LTB4R2: variants seen among roughly 807,000 people sequenced by gnomAD.
The protein encoded by LTB4R2 is LTB4 receptor JULF2.
LTB4R2 carries 6 observed loss-of-function variants against 5.3 expected under a neutral mutation model. The observed-to-expected ratio is 1.14, with a 90% CI of 0.62 to 2.24. The LOEUF (loss-of-function observed/expected upper bound fraction) is 2.24, where lower values mean the gene tolerates loss of function less well. LTB4R2 is among the 30% of genes most tolerant of loss of function. The probability of loss-of-function intolerance (pLI) is 0.00; values close to 1 mark genes in which losing one functional copy is unlikely to be tolerated. For synonymous variants in LTB4R2, 310 were observed against 264.2 expected, an observed-to-expected ratio of 1.17 and a Z score of -1.68; for missense variants, 560 against 521.5, an observed-to-expected ratio of 1.07 and a Z score of -0.72.
Position 24,311,186 on chromosome 14 carries a change from G to A in LTB4R2, c.522G>A (p.Ser174=). The part of the protein sequence containing the change: ...RDRVCQLCHP[S]PVHAAAHLSL... The stretch of plus-strand genomic sequence containing the variant: ...GCGTATGCCAGCTGTGCCACCCGTC[G>A]CCGGTCCACGCCGCCGCCCACCTGA... The change falls in exon 2 of 2, where the codon TCG becomes TCA. Residue 174 remains serine (S), a synonymous_variant. Transcript: ENST00000533293. 6.2e-7 allele frequency: 1 copy of A among 1,607,548 alleles called. No homozygotes were observed. The highest frequency in any genetic ancestry group is 8.5e-7 in the Non-Finnish European group (1 of 1,177,792).
chr14:24,311,830 C>T lies in LTB4R2; in HGVS notation c.*89C>T, dbSNP rs553683189. On this transcript the variant is annotated 3_prime_UTR_variant, in exon 2 of 2. Coordinates refer to ENST00000533293, the MANE Select transcript of LTB4R2 (RefSeq NM_019839.5). The stretch of plus-strand genomic sequence containing the variant: ...GTCAGTGTTCTGGGACATTTGGGGA[C>T]CCTTCTTTGACTAGAGTTTGGATCT... 4.4e-5 allele frequency: 54 copies of T among 1,225,676 alleles called. No homozygotes were observed. In the South Asian group the frequency reaches 6.7e-4, roughly 15 times the overall value. 75.9% of individuals were successfully genotyped at this position (1,225,676 alleles called of 1,614,324 possible).
Position 24,311,155 on chromosome 14 carries a change from G to T in LTB4R2, c.491G>T (p.Arg164Met). The T allele has an allele frequency of 6.2e-7, 1 of 1,602,504 alleles. No homozygotes were observed. The change falls in exon 2 of 2, where the codon AGG becomes ATG. Residue 164 changes from arginine to methionine, a missense_variant. By Grantham distance (91) the Arg-to-Met change is moderately conservative. Coordinates refer to ENST00000533293, the MANE Select transcript of LTB4R2 (RefSeq NM_019839.5). ...VPAAVYRHLW[R>M]DRVCQLCHPS... ...GCCGCCGTCTACCGCCACCTGTGGA[G>T]GGACCGCGTATGCCAGCTGTGCCAC...
Position 24,310,893 on chromosome 14 carries a change from C to G in LTB4R2, c.229C>G (p.Leu77Val), listed in dbSNP as rs750523167. The G allele has an allele frequency of 1.6e-5, 26 of 1,593,044 alleles. No homozygotes were observed. Among genetic ancestry groups the G allele is most frequent in the Non-Finnish European group, 2.0e-5 (23 of 1,176,842 alleles). ...CGGCGCGGTGCTGCTGCTCACGCCG[C>G]TCTTTGTGGCCTTCCTGACCCGGCA... Reference protein sequence around the residue: ...ADGAVLLLTPLFVAFLTRQAW... With the variant: ...ADGAVLLLTPVFVAFLTRQAW... The change falls in exon 2 of 2, where the codon CTC (leucine) becomes GTC (valine). Residue 77 changes from leucine to valine, a missense_variant. Leu to Val is a conservative substitution (Grantham distance 32). Coordinates refer to ENST00000533293, the MANE Select transcript of LTB4R2 (RefSeq NM_019839.5).
In LTB4R2 at chr14:24,311,235, G is replaced by T. The variant is rs759195181; in HGVS notation, c.571G>T (p.Val191Leu). Residue 191 changes from valine to leucine, a missense_variant, in exon 2 of 2, where the codon GTG becomes TTG. Val to Leu is a conservative substitution (Grantham distance 32). Transcript: ENST00000533293. ...GAGCCTGGAGACTCTGACCGCTTTC[G>T]TGCTTCCTTTCGGGCTGATGCTCGG... ...HLSLETLTAF[V>L]LPFGLMLGCY... 4 of 1,608,604 alleles carry T rather than the reference G, an allele frequency of 2.5e-6. No homozygotes were observed. Among genetic ancestry groups the T allele is most frequent in the Non-Finnish European group, 3.4e-6 (4 of 1,178,012 alleles).
At position 24,311,454 on chromosome 14, in the gene LTB4R2, G is replaced by A. The variant is rs2041702832; in HGVS notation, c.790G>A (p.Gly264Arg). Residue 264 changes from glycine (G) to arginine (R), a missense_variant, in exon 2 of 2, where the codon GGA becomes AGA. By Grantham distance (125) the Gly-to-Arg change is moderately radical. Coordinates refer to ENST00000533293, the MANE Select transcript of LTB4R2 (RefSeq NM_019839.5). ...PPEGALAKLG[G>R]AGQAARAGTT... ...GGAAGGGGCCTTGGCGAAGCTGGGCGGAGCCGGCCAGGCGGCGCGAGCGGG... is the reference window on the plus strand; with the variant it reads ...GGAAGGGGCCTTGGCGAAGCTGGGCAGAGCCGGCCAGGCGGCGCGAGCGGG... 6.2e-7 allele frequency: 1 copy of A among 1,601,278 alleles called. No individual in the cohort carries two copies. Among genetic ancestry groups the A allele is most frequent in the Admixed American group, 1.7e-5 (1 of 60,020 alleles).
rs746937951 is a variant in LTB4R2, at chr14:24,310,775, C to T, written c.111C>T (p.Gly37=). Residue 37 remains glycine (G), a synonymous_variant, in exon 2 of 2, where the codon GGC becomes GGT. Transcript: ENST00000533293. ...LLLAALLGLP[G]NGFVVWSLAG... Reference sequence around the variant, plus strand: ...TGGCGGCGCTGCTGGGGCTGCCTGGCAACGGCTTCGTGGTGTGGAGCTTGG... The same window carrying T: ...TGGCGGCGCTGCTGGGGCTGCCTGGTAACGGCTTCGTGGTGTGGAGCTTGG... 3 of 1,607,536 alleles carry T rather than the reference C, an allele frequency of 1.9e-6. No homozygotes were observed. The highest frequency in any genetic ancestry group is 2.5e-6 in the Non-Finnish European group (3 of 1,179,278).
chr14:24,311,798 T>G lies in LTB4R2; in HGVS notation c.*57T>G. ...GTCCCTTTCCACCCCCCACCCACCC[T>G]CCAGAGGTCAGTGTTCTGGGACATT... On this transcript the variant is annotated 3_prime_UTR_variant, in exon 2 of 2. Transcript: ENST00000533293. 2.8e-6 allele frequency: 4 copies of G among 1,425,812 alleles called. No homozygotes were observed. The highest frequency in any genetic ancestry group is 3.8e-6 in the Non-Finnish European group (4 of 1,059,502). The allele number at this position is 1,425,812 out of a possible 1,614,324, so 88.3% of individuals were successfully genotyped here.
rs1439689925 is a variant in LTB4R2 at position 24,310,863 on chromosome 14, G to C, written c.199G>C (p.Ala67Pro). The part of the protein sequence containing the change: ...AATLVLHLAL[A>P]DGAVLLLTPL... The stretch of plus-strand genomic sequence containing the variant: ...CACGCTTGTGCTGCACCTGGCGCTG[G>C]CCGACGGCGCGGTGCTGCTGCTCAC... Residue 67 changes from alanine (A) to proline (P), a missense_variant, in exon 2 of 2, where the codon GCC (alanine) becomes CCC (proline). Coordinates refer to ENST00000533293, the MANE Select transcript of LTB4R2 (RefSeq NM_019839.5). The C allele has an allele frequency of 3.8e-6, 6 of 1,591,356 alleles. No homozygotes were observed. The highest frequency in any genetic ancestry group is 2.2e-5 in the East Asian group (1 of 44,502).
intron 1 of LTB4R2, 173 bp from the exon 2 acceptor site, chr14:24,310,482 G>T (rs996878097): frequency 1.5e-5 from 11 of 726,410 alleles, no homozygotes; most frequent in African/African-American, 1.4e-4. Flanking sequence ...TTCCAAGAAG[G>T]AGTTGTGTTT....
rs776230450 is a variant in LTB4R2 at position 24,311,384 on chromosome 14, C to T, written c.720C>T (p.Tyr240=). 2 of 1,602,970 alleles carry T rather than the reference C, an allele frequency of 1.2e-6. No individual in the cohort carries two copies. The highest frequency in any genetic ancestry group is 2.7e-5 in the African/African-American group (2 of 74,926). ...VLAFGLLWAP[Y]HAVNLLQAVA... ...CCTTCGGCTTGCTCTGGGCCCCCTA[C>T]CACGCAGTCAACCTTCTGCAGGCGG... Residue 240 remains tyrosine (Y), a synonymous_variant, in exon 2 of 2, where the codon TAC becomes TAT. Transcript: ENST00000533293.
Position 24,311,051 on chromosome 14 carries a change from G to C in LTB4R2, c.387G>C (p.Ala129=). 6.4e-7 allele frequency: 1 copy of C among 1,572,832 alleles called. No individual in the cohort carries two copies. The highest frequency in any genetic ancestry group is 8.6e-7 in the Non-Finnish European group (1 of 1,169,000). Residue 129 remains alanine, a synonymous_variant, in exon 2 of 2, where the codon GCG becomes GCC. Transcript: ENST00000533293. ...RCLAVTRPFL[A]PRLRSPALAR... ...TCGCAGTCACCCGCCCCTTCCTGGCGCCTCGGCTGCGCAGCCCGGCCCTGG... is the reference window on the plus strand; with the variant it reads ...TCGCAGTCACCCGCCCCTTCCTGGCCCCTCGGCTGCGCAGCCCGGCCCTGG...
In LTB4R2 at chr14:24,311,088, C is replaced by T; in HGVS notation, c.424C>T (p.Leu142=). 1 of 1,562,762 alleles carries T rather than the reference C, an allele frequency of 6.4e-7. No homozygotes were observed. The highest frequency in any genetic ancestry group is 8.6e-7 in the Non-Finnish European group (1 of 1,162,030). Residue 142 remains leucine, a synonymous_variant, in exon 2 of 2, where the codon CTG becomes TTG. Transcript: ENST00000533293. ...LRSPALARRL[L]LAVWLAALLL... is the part of the protein sequence containing the mutation. ...CAGCCCGGCCCTGGCCCGCCGCCTG[C>T]TGCTGGCGGTCTGGCTGGCCGCCCT...
rs781449905 is a variant in LTB4R2 at position 24,311,685 on chromosome 14, G to A, written c.1021G>A (p.Gly341Ser). ...GCTGAAAGTGGTGGGGCAGGGCCGCGGCAATGGAGACCCGGGGGGTGGGAT... is the reference window on the plus strand; with the variant it reads ...GCTGAAAGTGGTGGGGCAGGGCCGCAGCAATGGAGACCCGGGGGGTGGGAT... ...PQLKVVGQGRGNGDPGGGMEK... is the reference protein window; with the variant it reads ...PQLKVVGQGRSNGDPGGGMEK... The change falls in exon 2 of 2, where the codon GGC (glycine) becomes AGC (serine). Residue 341 changes from glycine to serine, a missense_variant. Gly to Ser is a moderately conservative substitution (Grantham distance 56, BLOSUM62 0). Transcript: ENST00000533293. 3.7e-6 allele frequency: 6 copies of A among 1,609,290 alleles called. No individual in the cohort carries two copies. The highest frequency in any genetic ancestry group is 5.1e-6 in the Non-Finnish European group (6 of 1,176,878).
Position 24,310,795 on chromosome 14 carries a change from G to A in LTB4R2, c.131G>A (p.Ser44Asn), listed in dbSNP as rs772678804. The A allele has an allele frequency of 2.5e-6, 4 of 1,603,528 alleles. No homozygotes were observed. The highest frequency in any genetic ancestry group is 3.3e-5 in the Admixed American group (2 of 59,828). ...CCTGGCAACGGCTTCGTGGTGTGGA[G>A]CTTGGCGGGCTGGCGGCCTGCACGG... ...GLPGNGFVVWSLAGWRPARGR... is the reference protein window; with the variant it reads ...GLPGNGFVVWNLAGWRPARGR... Residue 44 changes from serine to asparagine, a missense_variant, in exon 2 of 2, where the codon AGC becomes AAC. By Grantham distance (46) the Ser-to-Asn change is conservative. Coordinates refer to ENST00000533293, the MANE Select transcript of LTB4R2 (RefSeq NM_019839.5).
intron 1 of LTB4R2, 93 bp from the exon 2 acceptor site, chr14:24,310,562 A>G: frequency 8.0e-7 from 1 of 1,246,934 alleles, no homozygotes; most frequent in South Asian, 1.2e-5. Context: ...CAGGGAAGTA[A>G]GGAGGAGGCA....
rs745380770 is a variant in LTB4R2 at position 24,310,920 on chromosome 14, G to A, written c.256G>A (p.Ala86Thr). 1 of 1,590,028 alleles carries A rather than the reference G, an allele frequency of 6.3e-7. No individual in the cohort carries two copies. Among genetic ancestry groups the A allele is most frequent in the Non-Finnish European group, 8.5e-7 (1 of 1,176,214 alleles). Residue 86 changes from alanine (A) to threonine (T), a missense_variant, in exon 2 of 2, where the codon GCC becomes ACC. Transcript: ENST00000533293. ...CTTTGTGGCCTTCCTGACCCGGCAG[G>A]CCTGGCCGCTGGGCCAGGCGGGCTG... ...PLFVAFLTRQ[A>T]WPLGQAGCKA...
In LTB4R2 at chr14:24,311,293, G is replaced by T; in HGVS notation, c.629G>T (p.Gly210Val). The change falls in exon 2 of 2, where the codon GGC becomes GTC. Residue 210 changes from glycine (G) to valine (V), a missense_variant. Physicochemically the swap from Gly to Val is moderately radical, Grantham distance 109 (BLOSUM62 -3). Transcript: ENST00000533293. Reference sequence around the variant, plus strand: ...AGCGTGACGCTGGCACGGCTGCGGGGCGCCCGCTGGGGCTCCGGGCGGCAC... The same window carrying T: ...AGCGTGACGCTGGCACGGCTGCGGGTCGCCCGCTGGGGCTCCGGGCGGCAC... Reference protein sequence around the residue: ...CYSVTLARLRGARWGSGRHGA... With the variant: ...CYSVTLARLRVARWGSGRHGA... 6.3e-7 allele frequency: 1 copy of T among 1,589,264 alleles called. No individual in the cohort carries two copies.
intron 1 of LTB4R2, 87 bp downstream of exon 1, chr14:24,310,342 G>C: frequency 1.7e-6 from 1 of 601,982 alleles, no homozygotes; most frequent in South Asian, 2.0e-5. Flanking sequence ...AGAAGGAGGG[G>C]CCAGACTAGA....
Position 24,310,970 on chromosome 14 carries a change from G to A in LTB4R2, c.306G>A (p.Ala102=), listed in dbSNP as rs958060467. The change falls in exon 2 of 2, where the codon GCG becomes GCA. Residue 102 remains alanine (A), a synonymous_variant. Coordinates refer to ENST00000533293, the MANE Select transcript of LTB4R2 (RefSeq NM_019839.5). The part of the protein sequence containing the change: ...AGCKAVYYVC[A]LSMYASVLLT... ...GCAAGGCGGTGTACTACGTGTGCGC[G>A]CTCAGCATGTACGCCAGCGTGCTGC... The A allele has an allele frequency of 1.9e-6, 3 of 1,591,142 alleles. No individual in the cohort carries two copies. Among genetic ancestry groups the A allele is most frequent in the African/African-American group, 1.4e-5 (1 of 73,328 alleles).
Sources: gnomAD v4.1 joint callset for allele counts on GRCh38, gnomAD v4.1.1 for gene constraint, MANE v1.5 for transcripts, NCBI Gene and HGNC (gene_info 2026-07-23, HGNC 2026-07-21) for gene names.